The following NCOA7 variants were observed in gnomAD, a reference collection of about 807,000 sequenced individuals.
NCOA7 encodes 140 kDa estrogen receptor-associated protein.
In NCOA7, 45 loss-of-function variants were observed where a neutral mutation model predicts 104.3. That is an observed-to-expected ratio of 0.43 (90% CI 0.34 to 0.55). NCOA7 has a LOEUF of 0.55. NCOA7 is among the 20% of genes least tolerant of loss of function. NCOA7 has a pLI of 0.02. For synonymous variants in NCOA7, 398 were observed against 402.3 expected (o/e 0.99, Z 0.13); for missense variants, 1,041 against 1,119.7 (o/e 0.93, Z 1.00).
intron 4 of NCOA7, among the ~76,000 whole-genome samples, chr6:125,877,930 C>T (rs1479942756): frequency 2.6e-5 from 4 of 152,158 alleles, no homozygotes; most frequent in Non-Finnish European, 5.9e-5. Flanking sequence ...AGGGTGGGGA[C>T]TCTGTGTACA....
At chr6:125,809,227 C>T (rs1364563465) in intron 1 of NCOA7, among the ~76,000 whole-genome samples, 3 of 151,758 alleles carry the variant, frequency 2.0e-5, no homozygotes, top group Admixed American at 6.6e-5. Context: ...CTCTCTCTGA[C>T]GCCCAGGCTG....
At chr6:125,785,141 C>T (rs1479756333) in intron 1 of NCOA7, among the ~76,000 whole-genome samples, 8 of 152,138 alleles carry the variant, frequency 5.3e-5, no homozygotes, top group Admixed American at 5.2e-4. Flanking sequence ...AGTTCGAGAC[C>T]AGCCTGGCCA....
chr6:125,910,788 C>T (rs1786468998), intron 10 of NCOA7, among the ~76,000 whole-genome samples: 1 of 152,180 alleles, frequency 6.6e-6, no homozygotes, highest in Non-Finnish European at 1.5e-5. Flanking sequence ...CGTTATGGTA[C>T]ACTCTTGAAA....
At chr6:125,816,719 A>G (rs936113198) in intron 2 of NCOA7, among the ~76,000 whole-genome samples, 2 of 152,212 alleles carry the variant, frequency 1.3e-5, no homozygotes, top group African/African-American at 4.8e-5. Flanking sequence ...GATACCCTGT[A>G]TTCTTTATCC....
intron 2 of NCOA7, among the ~76,000 whole-genome samples, chr6:125,822,912 G>A (rs1362943415): frequency 6.7e-6 from 1 of 148,886 alleles, no homozygotes; most frequent in African/African-American, 2.5e-5. Flanking sequence ...TCCAGCCTGG[G>A]CGACAGAGTG....
chr6:125,878,230 A>G (rs1423553090), intron 4 of NCOA7, 33 bp from the exon 5 acceptor site: 1 of 1,486,888 alleles, frequency 6.7e-7, no homozygotes, highest in African/African-American at 1.4e-5. Flanking sequence ...TTTTTGCTTT[A>G]TTTATTGACT....
intron 11 of NCOA7, among the ~76,000 whole-genome samples, chr6:125,916,412 C>T (rs1282295084): frequency 6.6e-6 from 1 of 152,188 alleles, no homozygotes; most frequent in Non-Finnish European, 1.5e-5. Context: ...GACCTCAGTT[C>T]CCTTCATCCA....
intron 3 of NCOA7, among the ~76,000 whole-genome samples, chr6:125,858,891 G>A (rs968478782): frequency 6.6e-6 from 1 of 152,068 alleles, no homozygotes; most frequent in South Asian, 2.1e-4. Flanking sequence ...GTTCTCTACC[G>A]CTAGATGGAG....
chr6:125,881,670 CAAA>C (rs397887394), intron 6 of NCOA7, among the ~76,000 whole-genome samples: 5,646 of 90,540 alleles, frequency 0.062, 332 homozygotes, highest in African/African-American at 0.2. Context: ...AACCCTATCT[CAAA>C]AAAAAAAAAA....
At chr6:125,830,343 G>A (rs1009954558) in intron 2 of NCOA7, among the ~76,000 whole-genome samples, 15 of 152,080 alleles carry the variant, frequency 9.9e-5, no homozygotes, top group African/African-American at 3.4e-4. Flanking sequence ...CTCCACCTAA[G>A]ATGGAGTTTT....
At chr6:125,833,755 G>T (rs1056999767) in intron 2 of NCOA7, among the ~76,000 whole-genome samples, 4 of 152,062 alleles carry the variant, frequency 2.6e-5, no homozygotes, top group Admixed American at 2.6e-4. Flanking sequence ...TAAACATGCA[G>T]TTCTAATAAA....
intron 2 of NCOA7, among the ~76,000 whole-genome samples, chr6:125,824,177 C>CA (rs1033267137): frequency 2.0e-5 from 3 of 152,168 alleles, no homozygotes; most frequent in African/African-American, 7.2e-5. Context: ...ACCCACACTA[C>CA]AGTTTAATGG....
intron 10 of NCOA7, among the ~76,000 whole-genome samples, chr6:125,898,314 G>C (rs887223467): frequency 2.6e-5 from 4 of 152,152 alleles, no homozygotes; most frequent in Admixed American, 6.5e-5. Context: ...AAAAGCATCA[G>C]ATTATTCTGG....
intron 13 of NCOA7, among the ~76,000 whole-genome samples, chr6:125,927,412 A>G (rs528055250): frequency 6.6e-6 from 1 of 152,330 alleles, no homozygotes; most frequent in African/African-American, 2.4e-5. Flanking sequence ...TTGGCCTTTG[A>G]CAAACAAGTT....
chr6:125,814,014 A>G (rs2128569955), intron 1 of NCOA7, among the ~76,000 whole-genome samples: 1 of 152,294 alleles, frequency 6.6e-6, no homozygotes, highest in South Asian at 2.1e-4. Context: ...GTTAGAGCAA[A>G]TATCATGTCT....
chr6:125,807,595 A>G (rs1303320363), intron 1 of NCOA7, among the ~76,000 whole-genome samples: 1 of 152,152 alleles, frequency 6.6e-6, no homozygotes, highest in Non-Finnish European at 1.5e-5. Context: ...ATGTGGGGTA[A>G]ATTTCCACCT....
At chr6:125,874,261 G>A (rs1276479879) in intron 3 of NCOA7, among the ~76,000 whole-genome samples, 1 of 152,162 alleles carries the variant, frequency 6.6e-6, no homozygotes, top group African/African-American at 2.4e-5. Flanking sequence ...GGAGACAGAG[G>A]TTGCAGTGAG....
intron 8 of NCOA7, 85 bp from the exon 9 acceptor site, chr6:125,888,854 C>T: frequency 2.0e-6 from 2 of 976,862 alleles, no homozygotes; most frequent in Non-Finnish European, 1.5e-6. Flanking sequence ...GGTTGAGTTT[C>T]TGTTTTGTTT....
At chr6:125,838,329 G>A (rs1229371817) in intron 2 of NCOA7, among the ~76,000 whole-genome samples, 1 of 152,140 alleles carries the variant, frequency 6.6e-6, no homozygotes, top group Non-Finnish European at 1.5e-5. Flanking sequence ...GCTTGTGAAG[G>A]TAGTCTTGTT....
Sources: gnomAD v4.1 joint callset for allele counts (sites outside exome capture counted in the v4.1 genomes callset) on GRCh38, gnomAD v4.1.1 for gene constraint, MANE v1.5 for transcripts, NCBI Gene and HGNC (gene_info 2026-07-23, HGNC 2026-07-21) for gene names.